TRABD2B: variants seen among roughly 807,000 people sequenced by gnomAD.
TRABD2B encodes metalloprotease TIKI2.
TRABD2B carries 14 observed loss-of-function variants against 40.1 expected under a neutral mutation model. The observed-to-expected ratio is 0.35, with a 90% CI of 0.23 to 0.55. TRABD2B has a LOEUF of 0.55. Ranked by LOEUF, TRABD2B falls within the 20% of genes least tolerant of loss-of-function variation. TRABD2B has a pLI of 0.90. For synonymous variants in TRABD2B, 263 were observed against 277.0 expected (o/e 0.95, Z 0.50); for missense variants, 541 against 648.6 (o/e 0.83, Z 1.80).
chr1:47,774,538 C>G (rs915083465), intron 6 of TRABD2B, among the ~76,000 whole-genome samples: 9 of 152,152 alleles, frequency 5.9e-5, no homozygotes, highest in Middle Eastern at 3.2e-3. Flanking sequence ...TGGTGACAGA[C>G]AAGCTGAGGT....
Position 47,775,174 on chromosome 1 carries a change from C to A in TRABD2B, c.1345G>T (p.Asp449Tyr). ...QFNDLWVRIEDSTTASPPPLP... is the reference protein window; with the variant it reads ...QFNDLWVRIEYSTTASPPPLP... Reference sequence around the variant, plus strand: ...GACCTGCCCTCCCTGGCTCACCTGTCCTCGATGCGGACCCAGAGGTCATTG... The same window carrying A: ...GACCTGCCCTCCCTGGCTCACCTGTACTCGATGCGGACCCAGAGGTCATTG... Residue 449 changes from aspartate (D) to tyrosine (Y), a missense_variant, in exon 6 of 7, where the codon GAC becomes TAC. Asp to Tyr is a radical substitution (Grantham distance 160, BLOSUM62 -3). Coordinates refer to ENST00000606738, the MANE Select transcript of TRABD2B (RefSeq NM_001194986.2). The A allele has an allele frequency of 5.7e-6, 7 of 1,235,336 alleles. No individual in the cohort carries two copies. Among genetic ancestry groups the A allele is most frequent in the Non-Finnish European group, 6.1e-6 (6 of 989,206 alleles). The allele number at this position is 1,235,336 out of a possible 1,614,324, so 76.5% of individuals were successfully genotyped here. A position where few individuals can be genotyped will look rare whatever the true frequency, so the allele number is the denominator to read the frequency against.
intron 2 of TRABD2B, 94 bp from the exon 3 acceptor site, chr1:47,801,713 C>G: frequency 7.0e-7 from 1 of 1,420,116 alleles, no homozygotes. Context: ...TTCAGAGCAA[C>G]AGGCCTGAAA....
intron 2 of TRABD2B, among the ~76,000 whole-genome samples, chr1:47,851,944 T>C (rs1357276821): frequency 6.6e-6 from 1 of 152,184 alleles, no homozygotes; most frequent in Non-Finnish European, 1.5e-5. Flanking sequence ...GAATTTGTGC[T>C]CTTAATCAAT....
chr1:47,794,426 G>A (rs928416029), intron 4 of TRABD2B, among the ~76,000 whole-genome samples, 160 bp downstream of exon 4: 15 of 152,182 alleles, frequency 9.9e-5, no homozygotes, highest in Non-Finnish European at 1.9e-4. Flanking sequence ...CCCGAATCAG[G>A]AGAACTGCCT....
chr1:47,820,773 TCACACACACCACACACACACACACA>T (rs1023140724), intron 2 of TRABD2B, among the ~76,000 whole-genome samples: 8 of 108,768 alleles, frequency 7.4e-5, no homozygotes, highest in Non-Finnish European at 1.3e-4. Flanking sequence ...ACTGAGAAGT[TCACACACACCACACACACACACACA>T]CACACACACA....
chr1:47,969,201 T>C (rs1306204037), intron 2 of TRABD2B, among the ~76,000 whole-genome samples: 1 of 152,176 alleles, frequency 6.6e-6, no homozygotes, highest in Non-Finnish European at 1.5e-5. Flanking sequence ...GCTTGTTTGG[T>C]TTTCTTTTGC....
At chr1:47,995,302 G>A (rs1001151775) in intron 1 of TRABD2B, among the ~76,000 whole-genome samples, 1 of 152,164 alleles carries the variant, frequency 6.6e-6, no homozygotes, top group Non-Finnish European at 1.5e-5. Context: ...AGATGAGAAA[G>A]TGCTTTAAAA....
intron 2 of TRABD2B, among the ~76,000 whole-genome samples, chr1:47,992,085 A>T (rs1646020482): frequency 6.6e-6 from 1 of 152,220 alleles, no homozygotes; most frequent in South Asian, 2.1e-4. Flanking sequence ...GGGAACTAAG[A>T]GGAGTTCTGT....
chr1:47,980,726 G>A (rs1645829375), intron 2 of TRABD2B, among the ~76,000 whole-genome samples: 1 of 152,170 alleles, frequency 6.6e-6, no homozygotes, highest in African/African-American at 2.4e-5. Flanking sequence ...AGCCTGCCCT[G>A]CCATCGCTTC....
At chr1:47,777,546 T>C (rs1644464060) in intron 5 of TRABD2B, among the ~76,000 whole-genome samples, 1 of 152,202 alleles carries the variant, frequency 6.6e-6, no homozygotes, top group African/African-American at 2.4e-5. Flanking sequence ...TTCACCTCTC[T>C]GGGCCTCATG....
chr1:47,950,130 A>C (rs1265510509), intron 2 of TRABD2B, among the ~76,000 whole-genome samples: 1 of 151,990 alleles, frequency 6.6e-6, no homozygotes, highest in Non-Finnish European at 1.5e-5. Context: ...CTAAAAATAC[A>C]AAAAAATTAG....
chr1:47,934,350 G>A (rs1570317579), intron 2 of TRABD2B, among the ~76,000 whole-genome samples: 1 of 152,188 alleles, frequency 6.6e-6, no homozygotes, highest in Non-Finnish European at 1.5e-5. Context: ...CCCTCCCACA[G>A]TCCCTGCAGG....
chr1:47,979,367 GAC>G (rs1284921688), intron 2 of TRABD2B, among the ~76,000 whole-genome samples: 2 of 152,226 alleles, frequency 1.3e-5, no homozygotes, highest in African/African-American at 4.8e-5. Flanking sequence ...TAATGAAGGA[GAC>G]AGACATGTGA....
chr1:47,927,973 T>G (rs145057443), intron 2 of TRABD2B, among the ~76,000 whole-genome samples: 103 of 152,244 alleles, frequency 6.8e-4, no homozygotes, highest in African/African-American at 2.3e-3. Flanking sequence ...AGCATAAGCA[T>G]CCCCTGGAAG....
At chr1:47,968,139 T>C (rs1645629695) in intron 2 of TRABD2B, among the ~76,000 whole-genome samples, 2 of 152,262 alleles carry the variant, frequency 1.3e-5, no homozygotes, top group Non-Finnish European at 2.9e-5. Context: ...ATACTTACAT[T>C]ACCTGCTTTC....
chr1:47,766,150 C>T (rs531674835), intron 6 of TRABD2B, 44 bp from the exon 7 acceptor site: 11 of 699,708 alleles, frequency 1.6e-5, no homozygotes, highest in Middle Eastern at 3.0e-4. Flanking sequence ...TCGGCAGCCT[C>T]GTCCTGGGCA....
chr1:47,910,470 C>A (rs1644747281), intron 2 of TRABD2B, among the ~76,000 whole-genome samples: 1 of 152,112 alleles, frequency 6.6e-6, no homozygotes, highest in African/African-American at 2.4e-5. Flanking sequence ...CACAATTAAC[C>A]AACAAAGTTC....
chr1:47,973,831 C>T lies in TRABD2B; in HGVS notation c.666+20203G>A, dbSNP rs182881058. 2.2e-4 allele frequency among the ~76,000 whole-genome samples: 34 copies of T among 152,304 alleles called. No individual in the cohort carries two copies. In the East Asian group the frequency reaches 4.6e-3, roughly 21 times the overall value. Reference sequence around the variant, plus strand: ...TTTAAAAATTTAATTAGGCCGGGGCCGGTGACTCACACCTATAATCCCAGC... The same window carrying T: ...TTTAAAAATTTAATTAGGCCGGGGCTGGTGACTCACACCTATAATCCCAGC... On this transcript the variant is annotated intron_variant, in intron 2 of 6. Transcript: ENST00000606738.
At chr1:47,767,981 G>T (rs574251901) in intron 6 of TRABD2B, among the ~76,000 whole-genome samples, 8 of 152,334 alleles carry the variant, frequency 5.3e-5, no homozygotes, top group African/African-American at 1.9e-4. Flanking sequence ...GTGGGCAGGG[G>T]AGGGAACCCG....
Sources: gnomAD v4.1 joint callset for allele counts (sites outside exome capture counted in the v4.1 genomes callset) on GRCh38, gnomAD v4.1.1 for gene constraint, MANE v1.5 for transcripts, NCBI Gene and HGNC (gene_info 2026-07-23, HGNC 2026-07-21) for gene names.